Variants in PBX4 observed in about 807,000 individuals in gnomAD.
The protein encoded by PBX4 is pre-B-cell leukemia transcription factor 4.
Under a neutral mutation model 35.1 loss-of-function variants are expected in PBX4, and 26 were observed. The ratio of observed to expected loss-of-function variants is 0.74; its 90% CI spans 0.54 to 1.03. PBX4 has a LOEUF of 1.03. Ranked by LOEUF, PBX4 falls within the 50% of genes least tolerant of loss-of-function variation. The pLI is 0.00. For synonymous variants in PBX4, 199 were observed against 204.2 expected, an observed-to-expected ratio of 0.97 and a Z score of 0.22; for missense variants, 448 against 504.3, an observed-to-expected ratio of 0.89 and a Z score of 1.07.
chr19:19,581,524 C>A (rs1384737315), intron 2 of PBX4, among the ~76,000 whole-genome samples: 2 of 152,242 alleles, frequency 1.3e-5, no homozygotes, highest in Non-Finnish European at 2.9e-5. Flanking sequence ...GGCGGTGGCA[C>A]TGCCACTTGG....
intron 1 of PBX4, among the ~76,000 whole-genome samples, chr19:19,601,142 A>AC (rs1240628260): frequency 6.6e-6 from 1 of 152,230 alleles, no homozygotes; most frequent in Non-Finnish European, 1.5e-5. Flanking sequence ...GGGTCACATG[A>AC]CAGTGATGGT....
At chr19:19,580,693 G>A (rs1458438730) in intron 2 of PBX4, among the ~76,000 whole-genome samples, 1 of 152,224 alleles carries the variant, frequency 6.6e-6, no homozygotes, top group East Asian at 1.9e-4. Flanking sequence ...TGATATTGGA[G>A]GACAGGGATA....
chr19:19,583,168 A>G (rs1422463642), intron 2 of PBX4, among the ~76,000 whole-genome samples: 1 of 152,162 alleles, frequency 6.6e-6, no homozygotes, highest in Non-Finnish European at 1.5e-5. Context: ...GATCCCAGCT[A>G]CTTGGGAGGC....
chr19:19,574,659 G>A (rs1171995883), intron 2 of PBX4, among the ~76,000 whole-genome samples: 3 of 148,170 alleles, frequency 2.0e-5, no homozygotes, highest in African/African-American at 7.4e-5. Context: ...TTTAAAGACA[G>A]AGTCTCTCTC....
chr19:19,577,433 G>A (rs947147926), intron 2 of PBX4, among the ~76,000 whole-genome samples: 1 of 152,106 alleles, frequency 6.6e-6, no homozygotes, highest in African/African-American at 2.4e-5. Context: ...TGTAATCGTG[G>A]GCGACCAGAA....
chr19:19,614,664 A>G (rs1440580677), intron 1 of PBX4, among the ~76,000 whole-genome samples: 2 of 152,138 alleles, frequency 1.3e-5, no homozygotes, highest in Non-Finnish European at 2.9e-5. Flanking sequence ...TCCGTCTCAA[A>G]AAAACCCAAA....
intron 2 of PBX4, among the ~76,000 whole-genome samples, chr19:19,584,623 GTT>G (rs34113731): frequency 9.1e-5 from 12 of 132,064 alleles, no homozygotes; most frequent in East Asian, 4.4e-4. Context: ...CCAAGGGCTG[GTT>G]TTTTTTTTTT....
At position 19,601,150 on chromosome 19, in the gene PBX4, G is replaced by GGTTAGAA. The variant is rs2061595124; in HGVS notation, c.120-1792_120-1786dup. ...GCAACTGGGGTCACATGACAGTGAT[G>GGTTAGAA]GTTAGAAGGCTTTTTGGAATTTCCA... On this transcript the variant is annotated intron_variant, in intron 1 of 7. Coordinates refer to ENST00000251203, the MANE Select transcript of PBX4 (RefSeq NM_025245.3). 2.0e-5 allele frequency among the ~76,000 whole-genome samples: 3 copies of GGTTAGAA among 152,228 alleles called. No individual in the cohort carries two copies. The South Asian group carries it at 6.2e-4, about 31-fold the overall frequency.
At chr19:19,582,651 A>T (rs557537673) in intron 2 of PBX4, among the ~76,000 whole-genome samples, 1 of 152,288 alleles carries the variant, frequency 6.6e-6, no homozygotes, top group African/African-American at 2.4e-5. Context: ...CAGTACACTA[A>T]GGCAAGAACC....
chr19:19,574,780 A>C (rs2061408765), intron 2 of PBX4, among the ~76,000 whole-genome samples: 1 of 151,890 alleles, frequency 6.6e-6, no homozygotes, highest in African/African-American at 2.4e-5. Context: ...GATTACAAGC[A>C]TGCGCCACCA....
intron 2 of PBX4, among the ~76,000 whole-genome samples, chr19:19,582,779 C>T (rs542898724): frequency 6.6e-6 from 1 of 152,298 alleles, no homozygotes; most frequent in African/African-American, 2.4e-5. Context: ...TAACGCATGC[C>T]CACTGGGGCT....
At chr19:19,584,902 G>A (rs1372577221) in intron 2 of PBX4, among the ~76,000 whole-genome samples, 2 of 152,004 alleles carry the variant, frequency 1.3e-5, no homozygotes, top group African/African-American at 4.8e-5. Context: ...GATTACAGGC[G>A]CGAGCCACCT....
intron 5 of PBX4, among the ~76,000 whole-genome samples, chr19:19,567,786 ACT>A (rs1308914915): frequency 9.2e-5 from 14 of 151,942 alleles, no homozygotes; most frequent in African/African-American, 3.4e-4. Context: ...GGGAGCTCAC[ACT>A]CTCTACCACG....
At chr19:19,591,341 G>A (rs2061526526) in intron 2 of PBX4, among the ~76,000 whole-genome samples, 1 of 152,216 alleles carries the variant, frequency 6.6e-6, no homozygotes, top group Admixed American at 6.5e-5. Flanking sequence ...AATTGCAACA[G>A]ATCCGACCAG....
intron 5 of PBX4, among the ~76,000 whole-genome samples, chr19:19,566,993 G>A (rs2061346402): frequency 6.6e-6 from 1 of 152,188 alleles, no homozygotes; most frequent in South Asian, 2.1e-4. Flanking sequence ...TCAGGCATGA[G>A]CCACCATGCC....
chr19:19,590,230 C>T (rs990671603), intron 2 of PBX4, among the ~76,000 whole-genome samples: 4 of 152,120 alleles, frequency 2.6e-5, no homozygotes, highest in Non-Finnish European at 5.9e-5. Context: ...TCTTTACGCC[C>T]CCTCCCTAGC....
chr19:19,564,825 T>G (rs554587450), intron 6 of PBX4, 108 bp downstream of exon 6: 1 of 1,364,154 alleles, frequency 7.3e-7, no homozygotes, highest in South Asian at 1.3e-5. Flanking sequence ...TTACACAGAG[T>G]TGACCACTGG....
intron 2 of PBX4, among the ~76,000 whole-genome samples, chr19:19,595,678 C>G (rs568796145): frequency 1.3e-5 from 2 of 150,926 alleles, no homozygotes; most frequent in Admixed American, 6.7e-5. Context: ...GGGAGGATGA[C>G]CTGGCACTGG....
At chr19:19,616,875 G>T (rs1317370090) in intron 1 of PBX4, among the ~76,000 whole-genome samples, 3 of 151,892 alleles carry the variant, frequency 2.0e-5, no homozygotes, top group Non-Finnish European at 2.9e-5. Context: ...GTAGAGACTG[G>T]GTTTCACCAT....
Sources: gnomAD v4.1 joint callset for allele counts (sites outside exome capture counted in the v4.1 genomes callset) on GRCh38, gnomAD v4.1.1 for gene constraint, MANE v1.5 for transcripts, NCBI Gene and HGNC (gene_info 2026-07-23, HGNC 2026-07-21) for gene names.